The following ARL13A variants were observed in gnomAD, a reference collection of about 807,000 sequenced individuals.
The protein encoded by ARL13A is ARF like GTPase 13A, also known as ADP-ribosylation factor-like protein 13A.
In ARL13A, 16 loss-of-function variants were observed where a neutral mutation model predicts 19.1. That is an observed-to-expected ratio of 0.84 (90% CI 0.57 to 1.27). The LOEUF (loss-of-function observed/expected upper bound fraction) is 1.27. Ranked by LOEUF, ARL13A falls within the 50% of genes most tolerant of loss-of-function variation. The pLI, the probability that ARL13A is intolerant of heterozygous loss-of-function variation, is 0.00. For missense variants in ARL13A, 153 were observed against 186.4 expected (o/e 0.82, Z 1.04); for synonymous variants, 69 against 71.3 (o/e 0.97, Z 0.17).
intron 3 of ARL13A, among the ~76,000 whole-genome samples, chrX:100,978,028 G>A (rs761251055): frequency 3.6e-5 from 4 of 112,100 alleles, no homozygotes; most frequent in South Asian, 3.8e-4. Context: ...TACACAGCAG[G>A]TGGATTGCTG....
rs2085716400 is a variant in ARL13A at position 100,973,665 on chromosome X, T to C, written c.-14-11T>C. 1 of 1,205,312 alleles carries C rather than the reference T, an allele frequency of 8.3e-7. No individual in the cohort carries two copies. The highest frequency in any genetic ancestry group is 1.7e-5 in the African/African-American group (1 of 57,770). Reference sequence around the variant, plus strand: ...TTACTTCTTATTTTCTTTCTTCTCTTAATATTTAAGAACTAAGATGAATCA... The same window carrying C: ...TTACTTCTTATTTTCTTTCTTCTCTCAATATTTAAGAACTAAGATGAATCA... On this transcript the variant is annotated splice_polypyrimidine_tract_variant and intron_variant, in intron 1 of 7. Coordinates refer to ENST00000450049, the MANE Select transcript of ARL13A (RefSeq NM_001162491.2).
At position 100,988,254 on chromosome X, in the gene ARL13A, G is replaced by A. The variant is rs369115223; in HGVS notation, c.715G>A (p.Glu239Lys). 1.5e-5 allele frequency: 18 copies of A among 1,207,426 alleles called. No homozygotes were observed. Among genetic ancestry groups the A allele is most frequent in the East Asian group, 1.5e-4 (5 of 33,701 alleles). The change falls in exon 7 of 8, where the codon GAA becomes AAA. Residue 239 changes from glutamate (E) to lysine (K), a missense_variant. Glu to Lys is a moderately conservative substitution (Grantham distance 56, BLOSUM62 1). Coordinates refer to ENST00000450049, the MANE Select transcript of ARL13A (RefSeq NM_001162491.2). The stretch of plus-strand genomic sequence containing the variant: ...ACAGCATCTAGAACAATGCTCAATC[G>A]AAGCTAAGCCTCTAAAGTCAATCCT... ...KRQHLEQCSI[E>K]AKPLKSILQP...
chrX:100,985,537 T>C, intron 3 of ARL13A, 130 bp from the exon 4 acceptor site: 3 of 754,967 alleles, frequency 4.0e-6, no homozygotes, highest in Non-Finnish European at 5.6e-6. Flanking sequence ...GCTTTTCCTC[T>C]CTTCCCCTCT....
At chrX:100,988,681 A>G (rs1015953433) in intron 7 of ARL13A, 27 of 469,979 alleles carry the variant, frequency 5.7e-5, no homozygotes, top group Non-Finnish European at 6.8e-5. Context: ...GATTAGGAGA[A>G]AAGCACCTTC....
intron 4 of ARL13A, 86 bp from the exon 5 acceptor site, chrX:100,986,710 C>T: frequency 1.7e-6 from 1 of 579,387 alleles, no homozygotes. Context: ...TTGTTCTCCT[C>T]CTCTTTCCCT....
At chrX:100,986,520 T>C (rs572016230) in intron 4 of ARL13A, among the ~76,000 whole-genome samples, 1 of 112,167 alleles carries the variant, frequency 8.9e-6, no homozygotes, top group Non-Finnish European at 1.9e-5. Context: ...GCAATTCTAA[T>C]TAAAGTTTGA....
intron 3 of ARL13A, among the ~76,000 whole-genome samples, chrX:100,981,367 C>T (rs1186441023): frequency 9.0e-6 from 1 of 111,287 alleles, no homozygotes; most frequent in African/African-American, 3.3e-5. Context: ...AGTTCCAATC[C>T]AAAGTCCTAC....
chrX:100,971,712 C>CT (rs2085652076), intron 1 of ARL13A, among the ~76,000 whole-genome samples: 1 of 8,733 alleles, frequency 1.1e-4, no homozygotes, highest in Non-Finnish European at 2.1e-4. Context: ...TTGCAGCTTT[C>CT]ATTTTCTTTT....
chrX:100,987,585 G>A lies in ARL13A; in HGVS notation c.653+29G>A, dbSNP rs1413494530. ...CTGAGATGCCGCTATGAGATTTGCT[G>A]ATAAGAAAAGCTGCAGGGATCAGTC... On this transcript the variant is annotated intron_variant, in intron 6 of 7. Transcript: ENST00000450049. The A allele has an allele frequency of 2.5e-6, 3 of 1,197,893 alleles. No homozygotes were observed. The Admixed American group carries it at 6.6e-5, about 27-fold the overall frequency.
chrX:100,987,275 C>A, intron 5 of ARL13A, 115 bp from the exon 6 acceptor site: 1 of 751,177 alleles, frequency 1.3e-6, no homozygotes, highest in Non-Finnish European at 1.9e-6. Context: ...CAGAGCCTCT[C>A]TAGGCATAGC....
At chrX:100,970,074 C>A (rs1353638969) in intron 1 of ARL13A, among the ~76,000 whole-genome samples, 1 of 112,191 alleles carries the variant, frequency 8.9e-6, no homozygotes, top group Non-Finnish European at 1.9e-5. Context: ...GAAGGCTCTG[C>A]CAATTATTAG....
chrX:100,983,110 T>C (rs1030917401), intron 3 of ARL13A, among the ~76,000 whole-genome samples: 3 of 110,861 alleles, frequency 2.7e-5, no homozygotes, highest in Non-Finnish European at 3.8e-5. Flanking sequence ...TCAGACTCAG[T>C]ACCGGTCCTT....
intron 7 of ARL13A, 24 bp from the exon 8 acceptor site, chrX:100,990,538 T>C: frequency 8.9e-7 from 1 of 1,125,076 alleles, no homozygotes; most frequent in Admixed American, 3.1e-5. Flanking sequence ...GAACCCCTGT[T>C]GTTCCTGTAT....
At chrX:100,986,960 C>A in intron 5 of ARL13A, 59 bp downstream of exon 5, 2 of 831,962 alleles carry the variant, frequency 2.4e-6, no homozygotes, top group African/African-American at 2.0e-5. Context: ...CAGCCCTTGG[C>A]CCATTCTATA....
intron 3 of ARL13A, among the ~76,000 whole-genome samples, chrX:100,983,924 C>T (rs762374974): frequency 1.8e-5 from 2 of 111,285 alleles, no homozygotes; most frequent in South Asian, 7.5e-4. Flanking sequence ...GAAAATGTCA[C>T]ATGCAGATCT....
At chrX:100,988,867 T>TATGAGATAATATATCTA (rs2085979293) in intron 7 of ARL13A, among the ~76,000 whole-genome samples, 1 of 98,412 alleles carries the variant, frequency 1.0e-5, no homozygotes, top group African/African-American at 3.9e-5. Flanking sequence ...TATATATATA[T>TATGAGATAATATATCTA]ATATATATAT....
At chrX:100,971,060 A>G (rs1305321542) in intron 1 of ARL13A, among the ~76,000 whole-genome samples, 1 of 110,029 alleles carries the variant, frequency 9.1e-6, no homozygotes, top group Non-Finnish European at 1.9e-5. Context: ...AAAAGTAGAA[A>G]CAATCCACTT....
rs1274213886 is a variant in ARL13A, at chrX:100,988,663, T to C, written c.744+380T>C. 1.1e-5 allele frequency: 7 copies of C among 628,877 alleles called. No homozygotes were observed. In the Admixed American group the frequency reaches 1.9e-4, roughly 17 times the overall value. 51.8% of individuals were successfully genotyped at this position (628,877 alleles called of 1,213,427 possible). A position where few individuals can be genotyped will look rare whatever the true frequency, so the allele number is the denominator to read the frequency against. On this transcript the variant is annotated intron_variant, in intron 7 of 7. Coordinates refer to ENST00000450049, the MANE Select transcript of ARL13A (RefSeq NM_001162491.2). ...AGCCTGAATTTCTTTCCTCACTCTA[T>C]GGTTGGTGATTAGGAGAAAAGCACC...
chrX:100,987,073 C>T (rs1037379344), intron 5 of ARL13A, among the ~76,000 whole-genome samples, 172 bp downstream of exon 5: 4 of 111,694 alleles, frequency 3.6e-5, no homozygotes, highest in African/African-American at 1.3e-4. Context: ...ATTCTGCCTT[C>T]AAAATAATTC....
Sources: gnomAD v4.1 joint callset for allele counts (sites outside exome capture counted in the v4.1 genomes callset) on GRCh38, gnomAD v4.1.1 for gene constraint, MANE v1.5 for transcripts, NCBI Gene and HGNC (gene_info 2026-07-23, HGNC 2026-07-21) for gene names.